Variants in ESRRG observed in about 807,000 individuals in gnomAD.
ESRRG encodes estrogen related receptor gamma.
In ESRRG, 13 loss-of-function variants were observed where a neutral mutation model predicts 44.0. The observed-to-expected ratio is 0.30, with a 90% CI of 0.19 to 0.47. ESRRG has a LOEUF of 0.47. Ranked by LOEUF, ESRRG falls within the 20% of genes least tolerant of loss-of-function variation. The pLI is 1.00. For missense variants in ESRRG, 395 were observed against 580.6 expected (o/e 0.68, Z 3.29); for synonymous variants, 215 against 214.6 (o/e 1.00, Z -0.02).
At chr1:216,795,342 C>CTTTTTTTTTTTT (rs35142972) in intron 2 of ESRRG, among the ~76,000 whole-genome samples, 1 of 105,442 alleles carries the variant, frequency 9.5e-6, no homozygotes, top group Non-Finnish European at 1.8e-5. Context: ...TTTTCTTTTT[C>CTTTTTTTTTTTT]TTTTTTTTTT....
At chr1:217,024,999 A>C (rs2080959323) in intron 1 of ESRRG, among the ~76,000 whole-genome samples, 1 of 152,128 alleles carries the variant, frequency 6.6e-6, no homozygotes, top group Non-Finnish European at 1.5e-5. Context: ...CTCAGCTTGG[A>C]AGAAGCAGCA....
intron 3 of ESRRG, among the ~76,000 whole-genome samples, chr1:216,614,164 C>T (rs1450732791): frequency 6.6e-6 from 1 of 152,198 alleles, no homozygotes; most frequent in African/African-American, 2.4e-5. Flanking sequence ...CAGGTGGCTC[C>T]CACCACCACT....
chr1:216,787,646 T>C (rs1029794219), intron 2 of ESRRG, among the ~76,000 whole-genome samples: 1 of 149,944 alleles, frequency 6.7e-6, no homozygotes, highest in African/African-American at 2.5e-5. Context: ...CCTCCAAGTG[T>C]TCAAGTGAAA....
chr1:216,988,317 G>T (rs1040589953), intron 1 of ESRRG, among the ~76,000 whole-genome samples: 1 of 152,134 alleles, frequency 6.6e-6, no homozygotes, highest in African/African-American at 2.4e-5. Flanking sequence ...CAGGATTTAG[G>T]TATTCCATTA....
chr1:216,863,668 T>A (rs2096092840), intron 2 of ESRRG: 1 of 152,222 alleles, frequency 6.6e-6, no homozygotes, highest in Admixed American at 6.5e-5. Flanking sequence ...AGGTTTAAAA[T>A]AAATAAAAAT....
chr1:216,934,915 C>T (rs2063895446), intron 2 of ESRRG, among the ~76,000 whole-genome samples: 1 of 152,152 alleles, frequency 6.6e-6, no homozygotes. Context: ...CATTATAAAT[C>T]TTAGCACAAT....
At chr1:216,971,259 G>C (rs1473894653) in intron 1 of ESRRG, among the ~76,000 whole-genome samples, 1 of 152,236 alleles carries the variant, frequency 6.6e-6, no homozygotes, top group Non-Finnish European at 1.5e-5. Flanking sequence ...ATCAAAGTGA[G>C]ATCTATAAGA....
intron 1 of ESRRG, among the ~76,000 whole-genome samples, chr1:217,103,813 C>T (rs978918703): frequency 6.6e-6 from 1 of 152,028 alleles, no homozygotes; most frequent in African/African-American, 2.4e-5. Context: ...AAGAAGGAAC[C>T]AAGCATTAAG....
intron 1 of ESRRG, among the ~76,000 whole-genome samples, chr1:217,079,719 C>G (rs1052864595): frequency 7.2e-5 from 11 of 152,168 alleles, no homozygotes; most frequent in Admixed American, 6.5e-4. Flanking sequence ...TAACACATGT[C>G]AAGGGCTTAC....
chr1:216,731,589 G>A (rs918049572), intron 2 of ESRRG, among the ~76,000 whole-genome samples: 3 of 152,096 alleles, frequency 2.0e-5, no homozygotes, highest in African/African-American at 4.8e-5. Context: ...AAGATTCCCT[G>A]GTTCAATTAT....
intron 1 of ESRRG, among the ~76,000 whole-genome samples, chr1:216,701,130 G>T (rs1215323082): frequency 2.3e-5 from 1 of 42,730 alleles, no homozygotes; most frequent in African/African-American, 8.0e-5. Flanking sequence ...CAAGTTTGCG[G>T]AGTTTGGGGG....
chr1:217,121,859 G>A (rs1436933220), intron 1 of ESRRG, among the ~76,000 whole-genome samples: 1 of 152,134 alleles, frequency 6.6e-6, no homozygotes, highest in African/African-American at 2.4e-5. Flanking sequence ...CCACCTACTA[G>A]TGACCACATT....
In ESRRG at chr1:217,062,416, G is replaced by C. The variant is rs146138893; in HGVS notation, c.-106+27091C>G. 1.2e-3 allele frequency among the ~76,000 whole-genome samples: 190 copies of C among 152,232 alleles called. 3 individuals carry two copies. The highest frequency in any genetic ancestry group is 4.0e-3 in the African/African-American group (166 of 41,546). On this transcript the variant is annotated intron_variant, in intron 1 of 7. Transcript: ENST00000359162. ...CAGCAGGACACATTTTGGTGTCAAAGAACAGGGCACTGTATTCAATTTCGG... is the reference window on the plus strand; with the variant it reads ...CAGCAGGACACATTTTGGTGTCAAACAACAGGGCACTGTATTCAATTTCGG...
At chr1:216,646,910 T>C (rs919072337) in intron 3 of ESRRG, among the ~76,000 whole-genome samples, 3 of 152,066 alleles carry the variant, frequency 2.0e-5, no homozygotes, top group Non-Finnish European at 2.9e-5. Context: ...CACCTGCAAA[T>C]GTAAAAGAAA....
chr1:216,645,990 A>G (rs1221421205), intron 3 of ESRRG, among the ~76,000 whole-genome samples: 1 of 151,260 alleles, frequency 6.6e-6, no homozygotes, highest in Admixed American at 6.6e-5. Flanking sequence ...CTTTGGTGGG[A>G]CATTAGCTTT....
chr1:217,105,543 G>A (rs1373689538), intron 1 of ESRRG, among the ~76,000 whole-genome samples: 1 of 152,076 alleles, frequency 6.6e-6, no homozygotes, highest in Non-Finnish European at 1.5e-5. Flanking sequence ...CCTGTGCCTG[G>A]GTCCTCTCTA....
chr1:216,991,129 T>C (rs1382147615), intron 1 of ESRRG, among the ~76,000 whole-genome samples: 1 of 152,034 alleles, frequency 6.6e-6, no homozygotes, highest in Non-Finnish European at 1.5e-5. Context: ...GTTTGCGTGC[T>C]CCTTATGAGA....
intron 1 of ESRRG, among the ~76,000 whole-genome samples, chr1:217,036,846 A>AG (rs1558055180): frequency 1.3e-5 from 2 of 151,474 alleles, no homozygotes; most frequent in Non-Finnish European, 2.9e-5. Context: ...GAAAAGAAAA[A>AG]AAAAAGAGTA....
At chr1:216,544,821 T>C (rs952635127) in intron 5 of ESRRG, among the ~76,000 whole-genome samples, 1 of 151,934 alleles carries the variant, frequency 6.6e-6, no homozygotes, top group East Asian at 1.9e-4. Flanking sequence ...ATGTCCTAGA[T>C]GGAGAGAAAC....
Sources: allele counts gnomAD v4.1 joint callset (sites outside exome capture counted in the v4.1 genomes callset), GRCh38; gene constraint gnomAD v4.1.1; transcripts MANE v1.5; gene names NCBI Gene and HGNC (gene_info 2026-07-23, HGNC 2026-07-21).